The following FBLN1 variants were observed in gnomAD, a reference collection of about 807,000 sequenced individuals.
The protein encoded by FBLN1 is fibulin 1, also known as fibulin-1.
A neutral mutation model predicts 89.7 loss-of-function variants in FBLN1; 34 were observed. That is an observed-to-expected ratio of 0.38 (90% CI 0.29 to 0.50). The LOEUF (loss-of-function observed/expected upper bound fraction) is 0.50. FBLN1 is among the 20% of genes least tolerant of loss of function. The pLI, the probability that FBLN1 is intolerant of heterozygous loss-of-function variation, is 0.92. For missense variants in FBLN1, 777 were observed against 988.1 expected, an observed-to-expected ratio of 0.79 and a Z score of 2.86; for synonymous variants, 393 against 391.3, an observed-to-expected ratio of 1.00 and a Z score of -0.05.
intron 2 of FBLN1, among the ~76,000 whole-genome samples, chr22:45,524,431 C>T (rs1230636604): frequency 6.6e-6 from 1 of 152,184 alleles, no homozygotes; most frequent in Non-Finnish European, 1.5e-5. Flanking sequence ...CTGATTTTGG[C>T]AGGTCGAGGA....
chr22:45,544,953 A>G (rs113441619), intron 11 of FBLN1, among the ~76,000 whole-genome samples: 19 of 152,280 alleles, frequency 1.2e-4, no homozygotes, highest in African/African-American at 3.8e-4. Context: ...GCCCTCCACA[A>G]TCGTCCACAT....
chr22:45,526,979 C>T (rs1195713311), intron 3 of FBLN1, among the ~76,000 whole-genome samples: 1 of 152,132 alleles, frequency 6.6e-6, no homozygotes, highest in Non-Finnish European at 1.5e-5. Flanking sequence ...GGCAGATGAG[C>T]GACTTGTGTT....
intron 1 of FBLN1, among the ~76,000 whole-genome samples, chr22:45,509,283 C>T (rs1329414444): frequency 1.3e-5 from 2 of 152,186 alleles, no homozygotes; most frequent in Non-Finnish European, 2.9e-5. Context: ...GCTGCCGGGG[C>T]CAGAGCTGCC....
At position 45,558,027 on chromosome 22, in the gene FBLN1, G is replaced by C. The variant is rs771535087; in HGVS notation, c.1697+7412G>C. 6.0e-5 allele frequency: 43 copies of C among 715,202 alleles called. No homozygotes were observed. In the African/African-American group the frequency reaches 6.8e-4, roughly 11 times the overall value. The allele number at this position is 715,202 out of a possible 1,614,324, so 44.3% of individuals were successfully genotyped here. A position where few individuals can be genotyped will look rare whatever the true frequency, so the allele number is the denominator to read the frequency against. On this transcript the variant is annotated intron_variant, in intron 14 of 16. Transcript: ENST00000327858. The stretch of plus-strand genomic sequence containing the variant: ...TCGGGTGGTGCCTGCATATCGTGCA[G>C]AATGATCTGTGAACCAGGCCCTAGT...
At position 45,563,280 on chromosome 22, in the gene FBLN1, G is replaced by T; in HGVS notation, c.1698-11231G>T. ...GCAGAGCTCTGAGCACTCGCTTCGC[G>T]TCGCGGGGTCTCCCTCCTGTTGCTT... On this transcript the variant is annotated intron_variant, in intron 14 of 16. Coordinates refer to ENST00000327858, the MANE Select transcript of FBLN1 (RefSeq NM_006486.3). This position sits in a 1 kb window ranked among gnomAD's most constrained non-coding sequence, Gnocchi z 5.7. 1 of 1,613,358 alleles carries T rather than the reference G, an allele frequency of 6.2e-7. No homozygotes were observed.
rs1299290628 is a variant in FBLN1, at chr22:45,531,915, C to T, written c.544+591C>T. ...GGCTCAGCGTTCCCTGCCTTTGTGC[C>T]CCTGGAGCCCCAGCCACGGTTCTGT... On this transcript the variant is annotated intron_variant, in intron 5 of 16. Transcript: ENST00000327858. The surrounding 1 kb of genome is among the most constrained non-coding windows in gnomAD (Gnocchi z 4.9). Among the ~76,000 whole-genome samples, 1 of 152,236 alleles carries T rather than the reference C, an allele frequency of 6.6e-6. No homozygotes were observed. Among genetic ancestry groups the T allele is most frequent in the African/African-American group, 2.4e-5 (1 of 41,460 alleles).
At chr22:45,559,197 T>G (rs2088824333) in intron 14 of FBLN1, among the ~76,000 whole-genome samples, 1 of 152,196 alleles carries the variant, frequency 6.6e-6, no homozygotes, top group Non-Finnish European at 1.5e-5. Flanking sequence ...TACCAAGAGA[T>G]ATGGTAATTT....
In FBLN1 at chr22:45,568,593, G is replaced by A. The variant is rs1304513334; in HGVS notation, c.1698-5918G>A. 8.7e-5 allele frequency among the ~76,000 whole-genome samples: 4 copies of A among 45,992 alleles called. 1 individual carries two copies. In the Admixed American group the frequency reaches 8.8e-4, roughly 10 times the overall value. The allele number at this position is 45,992 out of a possible 152,430, so 30.2% of individuals were successfully genotyped here. A position where few individuals can be genotyped will look rare whatever the true frequency, so the allele number is the denominator to read the frequency against. ...TCTGTAGGAGAATGCTCCTGTAGGG[G>A]AATGCTCCTTCTGTAAGGGAATGCT... is the stretch of plus-strand genomic sequence containing the variant. On this transcript the variant is annotated intron_variant, in intron 14 of 16. Transcript: ENST00000327858.
At chr22:45,592,249 C>T (rs1035102144) in intron 16 of FBLN1, among the ~76,000 whole-genome samples, 4 of 152,238 alleles carry the variant, frequency 2.6e-5, no homozygotes, top group African/African-American at 4.8e-5. Flanking sequence ...CCCATGTCTC[C>T]TGCTGTGTGG....
rs2088809310 is a variant in FBLN1 at position 45,557,940 on chromosome 22, C to T, written c.1697+7325C>T. The T allele has an allele frequency of 6.2e-6, 4 of 648,170 alleles. No individual in the cohort carries two copies. Among genetic ancestry groups the T allele is most frequent in the Non-Finnish European group, 1.2e-5 (4 of 345,502 alleles). The allele number at this position is 648,170 out of a possible 1,614,324, so 40.2% of individuals were successfully genotyped here. ...AAGTTCTGCCCACTGGGAAGATTTC[C>T]CTTTGCCACTGTCCTTCAGGGATGT... On this transcript the variant is annotated intron_variant, in intron 14 of 16. Transcript: ENST00000327858. The surrounding 1 kb of genome is among the most constrained non-coding windows in gnomAD (Gnocchi z 4.9).
Position 45,600,995 on chromosome 22 carries a change from T to G in FBLN1, c.*549T>G. 1 of 171,718 alleles carries G rather than the reference T, an allele frequency of 5.8e-6. No individual in the cohort carries two copies. The highest frequency in any genetic ancestry group is 1.4e-4 in the South Asian group (1 of 7,108). 10.6% of individuals were successfully genotyped at this position (171,718 alleles called of 1,614,324 possible). On this transcript the variant is annotated 3_prime_UTR_variant, in exon 17 of 17. Coordinates refer to ENST00000327858, the MANE Select transcript of FBLN1 (RefSeq NM_006486.3). ...GCAGTTCTGTTGAAATAGAGGAAAA[T>G]CCCTTGGTAAAGACACAGCCTGTTA...
At chr22:45,573,758 G>A (rs2088970761) in intron 14 of FBLN1, among the ~76,000 whole-genome samples, 2 of 151,852 alleles carry the variant, frequency 1.3e-5, no homozygotes, top group South Asian at 4.2e-4. Context: ...GGTTGCAGGA[G>A]GGGTTGAGTT....
chr22:45,535,053 T>G, intron 7 of FBLN1, 147 bp from the exon 8 acceptor site: 1 of 988,434 alleles, frequency 1.0e-6, no homozygotes, highest in Non-Finnish European at 1.5e-6. Flanking sequence ...GTGAAGTCTT[T>G]TTTGTGTATG....
intron 16 of FBLN1, among the ~76,000 whole-genome samples, chr22:45,585,818 A>C (rs777708023): frequency 6.6e-6 from 1 of 152,114 alleles, no homozygotes; most frequent in Non-Finnish European, 1.5e-5. Flanking sequence ...TCGTGACCCC[A>C]TGGGGCAGAG....
chr22:45,595,675 T>A, intron 16 of FBLN1, among the ~76,000 whole-genome samples: 2 of 152,304 alleles, frequency 1.3e-5, no homozygotes, highest in African/African-American at 2.4e-5. Context: ...CTCTCATAAA[T>A]CAGTCCAAGA....
In FBLN1 at chr22:45,557,753, A is replaced by C. The variant is rs953389998; in HGVS notation, c.1697+7138A>C. Among the ~76,000 whole-genome samples the C allele has an allele frequency of 2.0e-5, 3 of 152,156 alleles. No individual in the cohort carries two copies. The highest frequency in any genetic ancestry group is 7.2e-5 in the African/African-American group (3 of 41,432). On this transcript the variant is annotated intron_variant, in intron 14 of 16. Coordinates refer to ENST00000327858, the MANE Select transcript of FBLN1 (RefSeq NM_006486.3). The surrounding 1 kb of genome is among the most constrained non-coding windows in gnomAD (Gnocchi z 4.9). ...ACCACTCAGAGAGGTCTATCCACATACCTCTTCCCCAAATTTCATTGTCAT... is the reference window on the plus strand; with the variant it reads ...ACCACTCAGAGAGGTCTATCCACATCCCTCTTCCCCAAATTTCATTGTCAT...
In FBLN1 at chr22:45,559,371, T is replaced by C. The variant is rs1261515209; in HGVS notation, c.1697+8756T>C. Among the ~76,000 whole-genome samples, 6 of 152,200 alleles carry C rather than the reference T, an allele frequency of 3.9e-5. No homozygotes were observed. The East Asian group carries it at 1.2e-3, about 29-fold the overall frequency. On this transcript the variant is annotated intron_variant, in intron 14 of 16. Transcript: ENST00000327858. ...GTGGTGGGAATCACCACCCCGCGTC[T>C]CAAGTTTTTGATGGTGACACTAATC...
intron 6 of FBLN1, among the ~76,000 whole-genome samples, 165 bp from the exon 7 acceptor site, chr22:45,533,596 G>A (rs143501053): frequency 1.3e-3 from 201 of 152,284 alleles, no homozygotes; most frequent in African/African-American, 4.7e-3. Flanking sequence ...CACTGCTTTC[G>A]ACTCCGTGCA....
At chr22:45,570,334 AAAAAAGAAAAG>A (rs2088941148) in intron 14 of FBLN1, among the ~76,000 whole-genome samples, 1 of 96,332 alleles carries the variant, frequency 1.0e-5, no homozygotes, top group Non-Finnish European at 2.1e-5. Context: ...AAAAAAAAAA[AAAAAAGAAAAG>A]AAAAGAAAAG....
Sources: gnomAD v4.1 joint callset for allele counts (sites outside exome capture counted in the v4.1 genomes callset) on GRCh38, gnomAD v4.1.1 for gene constraint, Gnocchi (gnomAD v3.1) non-coding constraint, MANE v1.5 for transcripts, NCBI Gene and HGNC (gene_info 2026-07-23, HGNC 2026-07-21) for gene names.